Variants in SYNE1 observed in about 807,000 individuals in gnomAD.
The protein encoded by SYNE1 is spectrin repeat containing nuclear envelope protein 1, also known as nesprin-1.
In SYNE1, 616 loss-of-function variants were observed where a neutral mutation model predicts 1,111.0. That is an observed-to-expected ratio of 0.55 (90% CI 0.52 to 0.59). The LOEUF is 0.59. SYNE1 is among the 20% of genes least tolerant of loss of function. The probability of loss-of-function intolerance (pLI) is 0.00; values close to 1 mark genes in which losing one functional copy is unlikely to be tolerated. For missense variants in SYNE1, 10,006 were observed against 10,417.0 expected (o/e 0.96, Z 1.72); for synonymous variants, 3,855 against 3,825.8 (o/e 1.01, Z -0.28).
chr6:152,206,201 T>C lies in SYNE1; in HGVS notation c.22986A>G (p.Glu7662=). ...AGAAGGCTAGTTTTTTCTTCTGTTC[T>C]TCCAGCCGCATGCTGGCTGATTTCC... The part of the protein sequence containing the change: ...EKWKSASMRL[E]EQKKKLAFLL... Residue 7662 remains glutamate, a synonymous_variant, in exon 126 of 146, where the codon GAA becomes GAG. Coordinates refer to ENST00000367255, the MANE Select transcript of SYNE1 (RefSeq NM_182961.4). 2 of 1,613,812 alleles carry C rather than the reference T, an allele frequency of 1.2e-6. No homozygotes were observed. Among genetic ancestry groups the C allele is most frequent in the South Asian group, 1.1e-5 (1 of 91,068 alleles).
chr6:152,395,476 T>C, intron 51 of SYNE1, 40 bp downstream of exon 51: 1 of 1,594,116 alleles, frequency 6.3e-7, no homozygotes, highest in Non-Finnish European at 8.5e-7. Context: ...GTCTAAAACA[T>C]GGTAAGAGGT....
intron 105 of SYNE1, among the ~76,000 whole-genome samples, chr6:152,247,612 C>T (rs1420014157): frequency 1.3e-5 from 2 of 151,140 alleles, no homozygotes; most frequent in South Asian, 2.1e-4. Flanking sequence ...CACCGGTAAT[C>T]CCAACACTTT....
intron 3 of SYNE1, among the ~76,000 whole-genome samples, chr6:152,559,112 C>A (rs2099385885): frequency 6.6e-6 from 1 of 152,110 alleles, no homozygotes. Context: ...CTCACTGTTG[C>A]CTGGGCTAGA....
chr6:152,187,174 T>C (rs1022129632), intron 128 of SYNE1, among the ~76,000 whole-genome samples: 2 of 152,202 alleles, frequency 1.3e-5, no homozygotes, highest in Non-Finnish European at 2.9e-5. Flanking sequence ...CTCATACATG[T>C]ATCCCCCGTT....
chr6:152,434,666 A>G (rs916010340), intron 33 of SYNE1: 2 of 152,114 alleles, frequency 1.3e-5, no homozygotes, highest in Admixed American at 1.3e-4. Flanking sequence ...TCTAATTTGT[A>G]TTAGCTATGC....
At position 152,148,155 on chromosome 6, in the gene SYNE1, T is replaced by C. The variant is rs200346917; in HGVS notation, c.24866A>G (p.Tyr8289Cys). 7.2e-5 allele frequency: 117 copies of C among 1,614,208 alleles called. No homozygotes were observed. Among genetic ancestry groups the C allele is most frequent in the South Asian group, 3.3e-5 (3 of 91,084 alleles). The change falls in exon 137 of 146, where the codon TAT (tyrosine) becomes TGT (cysteine). Residue 8289 changes from tyrosine (Y) to cysteine (C), a missense_variant. Transcript: ENST00000367255. The surrounding 1 kb of genome is among the most constrained non-coding windows in gnomAD (Gnocchi z 4.1). The part of the protein sequence containing the change: ...DSIPLEWDHD[Y>C]DLSRDLESAM... ...AGACTCCAGGTCCCGACTGAGGTCA[T>C]AGTCGTGATCCCACTCCAGGGGGAT...
chr6:152,260,521 C>T (rs189497405), intron 101 of SYNE1, among the ~76,000 whole-genome samples: 147 of 152,226 alleles, frequency 9.7e-4, no homozygotes, highest in Admixed American at 2.1e-3. Flanking sequence ...GGTAAAGAAG[C>T]CTCCTGGCCA....
At position 152,207,991 on chromosome 6, in the gene SYNE1, G is replaced by T. The variant is rs763987043; in HGVS notation, c.22805C>A (p.Thr7602Asn). ...SVPIPLQQAR[T>N]LFDEVQFKEK... ...TCTTACCTGCACTTCATCAAAGAGG[G>T]TCCTTGCTTGTTGCAGTGGTATAGG... The change falls in exon 125 of 146, where the codon ACC (threonine) becomes AAC (asparagine). Residue 7602 changes from threonine to asparagine, a missense_variant. Around this residue, in one of 7 missense-constraint regions of SYNE1, gnomAD observed 2,182 missense variants for 2,287.8 expected, o/e 0.95. Transcript: ENST00000367255. 3.7e-6 allele frequency: 6 copies of T among 1,614,152 alleles called. No individual in the cohort carries two copies. Among genetic ancestry groups the T allele is most frequent in the Non-Finnish European group, 4.2e-6 (5 of 1,180,014 alleles).
intron 9 of SYNE1, among the ~76,000 whole-genome samples, chr6:152,504,160 C>T (rs892138497): frequency 2.0e-5 from 3 of 152,088 alleles, no homozygotes; most frequent in African/African-American, 7.2e-5. Context: ...CCTCTGAAGT[C>T]GATGGCTGGA....
In SYNE1 at chr6:152,154,445, TACACACACACACACAC is replaced by T. The variant is rs56398921; in HGVS notation, c.24129+431_24129+446del. Among the ~76,000 whole-genome samples the T allele has an allele frequency of 8.2e-3, 1,177 of 143,278 alleles. 20 individuals carry two copies. Among genetic ancestry groups the T allele is most frequent in the African/African-American group, 0.029 (1,125 of 38,864 alleles). 94.0% of individuals were successfully genotyped at this position (143,278 alleles called of 152,430 possible). On this transcript the variant is annotated intron_variant, in intron 133 of 145. Coordinates refer to ENST00000367255, the MANE Select transcript of SYNE1 (RefSeq NM_182961.4). ...TTCTAGAGTCAACTCTTTTATCAAA[TACACACACACACACAC>T]ACACACACACACACACACACACACT...
chr6:152,195,292 T>A (rs927424337), intron 127 of SYNE1, among the ~76,000 whole-genome samples: 10 of 152,214 alleles, frequency 6.6e-5, no homozygotes, highest in Non-Finnish European at 1.2e-4. Context: ...GTCCCTGGTG[T>A]CTTATTTATT....
At chr6:152,433,644 C>T in intron 34 of SYNE1, 151 bp downstream of exon 34, 3 of 897,396 alleles carry the variant, frequency 3.3e-6, no homozygotes, top group Non-Finnish European at 5.2e-6. Context: ...TAATCCAGAC[C>T]TCTTAGCTTG....
intron 66 of SYNE1, among the ~76,000 whole-genome samples, chr6:152,356,287 C>A (rs1272704357): frequency 6.6e-6 from 1 of 151,638 alleles, no homozygotes; most frequent in Non-Finnish European, 1.5e-5. Context: ...TGGCCCTGGA[C>A]AGTAGTTGAC....
chr6:152,401,458 G>C lies in SYNE1; in HGVS notation c.6826-117C>G, dbSNP rs1283609866. On this transcript the variant is annotated intron_variant, in intron 46 of 145. Coordinates refer to ENST00000367255, the MANE Select transcript of SYNE1 (RefSeq NM_182961.4). ...AAGCCACACAAGTCTCATCATGGAA[G>C]CCAGCTCCAATGTTAATATGCCTTT... 9.9e-6 allele frequency: 10 copies of C among 1,011,932 alleles called. No individual in the cohort carries two copies. The Admixed American group carries it at 1.6e-4, about 16-fold the overall frequency. 62.7% of individuals were successfully genotyped at this position (1,011,932 alleles called of 1,614,324 possible).
At chr6:152,253,829 T>G (rs1437210292) in intron 104 of SYNE1, among the ~76,000 whole-genome samples, 6 of 59,656 alleles carry the variant, frequency 1.0e-4, no homozygotes, top group African/African-American at 6.3e-4. Flanking sequence ...TTTTTTTTTT[T>G]TTTTTTTTTT....
At chr6:152,279,436 C>T (rs2093881923) in intron 97 of SYNE1, among the ~76,000 whole-genome samples, 1 of 151,774 alleles carries the variant, frequency 6.6e-6, no homozygotes, top group South Asian at 2.1e-4. Context: ...TAAAGTCAGG[C>T]TGGGTGTGGT....
At chr6:152,404,981 C>T (rs1270996539) in intron 45 of SYNE1, 2 of 152,212 alleles carry the variant, frequency 1.3e-5, no homozygotes, top group East Asian at 3.9e-4. Context: ...TATTTTGGTG[C>T]TTTGTGGACA....
intron 3 of SYNE1, among the ~76,000 whole-genome samples, chr6:152,611,093 G>C (rs2099629997): frequency 6.6e-6 from 1 of 152,052 alleles, no homozygotes; most frequent in Admixed American, 6.6e-5. Context: ...TCAGTTAGCA[G>C]GCAAAATAAC....
Position 152,442,083 on chromosome 6 carries a change from G to T in SYNE1, c.4000C>A (p.Arg1334Ser), listed in dbSNP as rs754120599. Residue 1334 changes from arginine (R) to serine (S), a missense_variant, in exon 31 of 146, where the codon CGC becomes AGC. Arg to Ser is a moderately radical substitution (Grantham distance 110, BLOSUM62 -1). Transcript: ENST00000367255. Reference sequence around the variant, plus strand: ...TAACTTCCGGCTCCTACCTGGATGCGGCGTTCCTGCCTCTCCCGGCTGCGC... The same window carrying T: ...TAACTTCCGGCTCCTACCTGGATGCTGCGTTCCTGCCTCTCCCGGCTGCGC... ...LERSRERQERRIQVTLRKWER... is the reference protein window; with the variant it reads ...LERSRERQERSIQVTLRKWER... 6.2e-7 allele frequency: 1 copy of T among 1,614,044 alleles called. No homozygotes were observed. Among genetic ancestry groups the T allele is most frequent in the East Asian group, 2.2e-5 (1 of 44,872 alleles).
Sources: allele counts gnomAD v4.1 joint callset (sites outside exome capture counted in the v4.1 genomes callset), GRCh38; gene constraint gnomAD v4.1.1; regional missense constraint gnomAD v4.1.1; non-coding constraint Gnocchi (gnomAD v3.1); transcripts MANE v1.5; gene names NCBI Gene and HGNC (gene_info 2026-07-23, HGNC 2026-07-21).